The following JAM3 variants were observed in gnomAD, a reference collection of about 807,000 sequenced individuals.
The protein encoded by JAM3 is junctional adhesion molecule C.
Under a neutral mutation model 39.4 loss-of-function variants are expected in JAM3, and 31 were observed. The observed-to-expected ratio is 0.79, with a 90% CI of 0.59 to 1.06. The LOEUF (loss-of-function observed/expected upper bound fraction) is 1.06, where lower values mean the gene tolerates loss of function less well. JAM3 is among the 50% of genes least tolerant of loss of function. The pLI, the probability that JAM3 is intolerant of heterozygous loss-of-function variation, is 0.00. For synonymous variants in JAM3, 182 were observed against 148.7 expected (o/e 1.22, Z -1.63); for missense variants, 455 against 391.4 (o/e 1.16, Z -1.37).
At chr11:134,121,821 G>GCGCGCGCACACACA (rs369702081) in intron 1 of JAM3, among the ~76,000 whole-genome samples, 1 of 148,422 alleles carries the variant, frequency 6.7e-6, no homozygotes, top group African/African-American at 2.5e-5. Context: ...GCATGTGTGC[G>GCGCGCGCACACACA]CACACACACA....
chr11:134,145,969 C>T lies in JAM3; in HGVS notation c.636C>T (p.Asp212=), dbSNP rs915798823. ...AGGTGTTCACTGCTGTTCACAAGGACGACTCTGGGCAGTACTACTGCATTG... is the reference window on the plus strand; with the variant it reads ...AGGTGTTCACTGCTGTTCACAAGGATGACTCTGGGCAGTACTACTGCATTG... ...GTLVFTAVHK[D]DSGQYYCIAS... The change falls in exon 6 of 9, where the codon GAC becomes GAT. Residue 212 remains aspartate (D), a synonymous_variant. Transcript: ENST00000299106. 24 of 1,613,436 alleles carry T rather than the reference C, an allele frequency of 1.5e-5. No homozygotes were observed. The highest frequency in any genetic ancestry group is 4.5e-5 in the East Asian group (2 of 44,898).
At chr11:134,137,420 C>G (rs963348356) in intron 1 of JAM3, among the ~76,000 whole-genome samples, 2 of 152,172 alleles carry the variant, frequency 1.3e-5, no homozygotes, top group Non-Finnish European at 2.9e-5. Flanking sequence ...TATAAGCTCT[C>G]CCATTTTCTT....
At chr11:134,125,961 G>C (rs765417092) in intron 1 of JAM3, among the ~76,000 whole-genome samples, 1 of 152,106 alleles carries the variant, frequency 6.6e-6, no homozygotes, top group African/African-American at 2.4e-5. Flanking sequence ...CTTCACACTT[G>C]CTCTATGTCA....
rs527371528 is a variant in JAM3, at chr11:134,125,212, TC to T, written c.77-14636del. ...CGCTGCACGGGCAGCCAAAAGCAGC[TC>T]CCGCCCCCTCTTCTCTCTCTCAACT... On this transcript the variant is annotated intron_variant, in intron 1 of 8. Coordinates refer to ENST00000299106, the MANE Select transcript of JAM3 (RefSeq NM_032801.5). Among the ~76,000 whole-genome samples, 25 of 152,276 alleles carry T rather than the reference TC, an allele frequency of 1.6e-4. No individual in the cohort carries two copies. In the South Asian group the frequency reaches 3.1e-3, roughly 19 times the overall value.
chr11:134,102,997 A>C (rs1383716216), intron 1 of JAM3, among the ~76,000 whole-genome samples: 2 of 152,220 alleles, frequency 1.3e-5, no homozygotes, highest in African/African-American at 4.8e-5. Context: ...ATTCAAATTC[A>C]GGAAATACAG....
intron 1 of JAM3, among the ~76,000 whole-genome samples, chr11:134,091,881 A>G (rs996812099): frequency 1.1e-4 from 16 of 150,754 alleles, no homozygotes; most frequent in Admixed American, 6.6e-5. Flanking sequence ...TGGATAGTAT[A>G]AATTTGGGAA....
At chr11:134,148,135 C>T (rs1234230271) in intron 6 of JAM3, 4 of 238,854 alleles carry the variant, frequency 1.7e-5, no homozygotes, top group South Asian at 6.0e-5. Context: ...ACCTTTCTTC[C>T]CCGCAGCAAT....
chr11:134,131,355 TGAAAA>T (rs1942766223), intron 1 of JAM3, among the ~76,000 whole-genome samples: 1 of 151,974 alleles, frequency 6.6e-6, no homozygotes, highest in East Asian at 1.9e-4. Flanking sequence ...TGACCAAACT[TGAAAA>T]GGAATAGTCT....
intron 1 of JAM3, among the ~76,000 whole-genome samples, chr11:134,080,803 A>G (rs1941653507): frequency 6.6e-6 from 1 of 152,218 alleles, no homozygotes; most frequent in South Asian, 2.1e-4. Flanking sequence ...GAACTGGGTA[A>G]TAGGCAGAGG....
chr11:134,111,259 T>G, intron 1 of JAM3, among the ~76,000 whole-genome samples: 1 of 147,754 alleles, frequency 6.8e-6, no homozygotes, highest in Non-Finnish European at 1.5e-5. Context: ...TTCTCCTGCC[T>G]CAGCCTCCCA....
intron 3 of JAM3, among the ~76,000 whole-genome samples, chr11:134,141,548 C>A (rs369537046): frequency 1.1e-3 from 166 of 152,124 alleles, no homozygotes; most frequent in African/African-American, 4.0e-3. Flanking sequence ...CGCTGTGAGG[C>A]TCTCAGGGGA....
intron 1 of JAM3, among the ~76,000 whole-genome samples, chr11:134,084,296 C>T (rs1941711952): frequency 6.6e-6 from 1 of 152,214 alleles, no homozygotes; most frequent in Non-Finnish European, 1.5e-5. Flanking sequence ...ATCTCTTCCT[C>T]TTCTGAATTC....
At position 134,148,757 on chromosome 11, in the gene JAM3, C is replaced by T. The variant is rs371851115; in HGVS notation, c.843-7C>T. On this transcript the variant is annotated splice_region_variant and splice_polypyrimidine_tract_variant and intron_variant, in intron 7 of 8. Coordinates refer to ENST00000299106, the MANE Select transcript of JAM3 (RefSeq NM_032801.5). ...CCTGTTGCTAAACTGCTCTCTTCTCCTCATAGTTACAAGAACCCAGGGAAA... is the reference window on the plus strand; with the variant it reads ...CCTGTTGCTAAACTGCTCTCTTCTCTTCATAGTTACAAGAACCCAGGGAAA... The T allele has an allele frequency of 8.1e-6, 13 of 1,613,930 alleles. No individual in the cohort carries two copies. In the East Asian group the frequency reaches 2.5e-4, roughly 30 times the overall value.
intron 1 of JAM3, among the ~76,000 whole-genome samples, chr11:134,119,547 G>A (rs1942497430): frequency 1.3e-5 from 2 of 152,208 alleles, no homozygotes; most frequent in African/African-American, 4.8e-5. Context: ...ACACGATTAA[G>A]AAAGCTGGTG....
At position 134,106,696 on chromosome 11, in the gene JAM3, G is replaced by T. The variant is rs141492043; in HGVS notation, c.77-33155G>T. 4.1e-4 allele frequency among the ~76,000 whole-genome samples: 62 copies of T among 152,298 alleles called. No individual in the cohort carries two copies. The East Asian group carries it at 0.012, about 29-fold the overall frequency. ...GAATATGAACAGACACTTCTCAAAA[G>T]AAAACATTTATGCAGCCAAAAGACA... On this transcript the variant is annotated intron_variant, in intron 1 of 8. Transcript: ENST00000299106.
At chr11:134,087,794 T>C (rs1298880936) in intron 1 of JAM3, among the ~76,000 whole-genome samples, 1 of 152,242 alleles carries the variant, frequency 6.6e-6, no homozygotes, top group African/African-American at 2.4e-5. Context: ...TTAATTCGCA[T>C]GGACATATAG....
At chr11:134,091,604 TG>T (rs1941855400) in intron 1 of JAM3, among the ~76,000 whole-genome samples, 1 of 145,162 alleles carries the variant, frequency 6.9e-6, no homozygotes, top group African/African-American at 2.6e-5. Context: ...CACTCCAGCT[TG>T]GGTGACAGAG....
intron 4 of JAM3, 76 bp from the exon 5 acceptor site, chr11:134,144,716 G>T (rs764692767): frequency 1.3e-4 from 167 of 1,329,094 alleles, no homozygotes; most frequent in Non-Finnish European, 1.8e-4. Flanking sequence ...TGTCTTTGGA[G>T]CTGATTTCTT....
intron 1 of JAM3, among the ~76,000 whole-genome samples, chr11:134,091,835 G>C (rs1043804638): frequency 1.8e-5 from 2 of 113,362 alleles, no homozygotes; most frequent in African/African-American, 1.1e-4. Context: ...TGGGGGTGTG[G>C]GTTTTTTTTT....
Sources: gnomAD v4.1 joint callset for allele counts (sites outside exome capture counted in the v4.1 genomes callset) on GRCh38, gnomAD v4.1.1 for gene constraint, MANE v1.5 for transcripts, NCBI Gene and HGNC (gene_info 2026-07-23, HGNC 2026-07-21) for gene names.